The following ITGB3BP variants were observed in gnomAD, a reference collection of about 807,000 sequenced individuals.
ITGB3BP encodes the protein centromere protein R.
A neutral mutation model predicts 29.1 loss-of-function variants in ITGB3BP; 27 were observed. The ratio of observed to expected loss-of-function variants is 0.93; its 90% CI spans 0.68 to 1.28. The LOEUF is 1.28. Ranked by LOEUF, ITGB3BP falls within the 50% of genes most tolerant of loss-of-function variation. ITGB3BP has a pLI of 0.00. For missense variants in ITGB3BP, 192 were observed against 200.2 expected, an observed-to-expected ratio of 0.96 and a Z score of 0.25; for synonymous variants, 61 against 61.4, an observed-to-expected ratio of 0.99 and a Z score of 0.03.
rs1269457598 is a variant in ITGB3BP, at chr1:63,454,671, G to T, written c.334-198C>A. 6.6e-6 allele frequency among the ~76,000 whole-genome samples: 1 copy of T among 151,620 alleles called. No individual in the cohort carries two copies. The highest frequency in any genetic ancestry group is 2.4e-5 in the African/African-American group (1 of 41,262). The stretch of plus-strand genomic sequence containing the variant: ...AAAACAATTTATAATTAACTAAAAA[G>T]ACTAAATGTAATCTATAAATTTATG... On this transcript the variant is annotated intron_variant, in intron 5 of 8. Coordinates refer to ENST00000271002, the MANE Select transcript of ITGB3BP (RefSeq NM_014288.5). The surrounding 1 kb of genome is among the most constrained non-coding windows in gnomAD (Gnocchi z 4.1).
At chr1:63,469,273 A>G (rs1398683785) in intron 4 of ITGB3BP, among the ~76,000 whole-genome samples, 2 of 152,118 alleles carry the variant, frequency 1.3e-5, no homozygotes, top group African/African-American at 2.4e-5. Context: ...TAAATCCTTA[A>G]GATGAAGATA....
intron 4 of ITGB3BP, among the ~76,000 whole-genome samples, chr1:63,459,570 AT>A (rs1336538144): frequency 6.6e-6 from 1 of 151,922 alleles, no homozygotes; most frequent in East Asian, 1.9e-4. Flanking sequence ...TATTGTTAAC[AT>A]TTTTTTAATG....
intron 4 of ITGB3BP, among the ~76,000 whole-genome samples, chr1:63,476,523 G>C (rs1455225846): frequency 6.6e-6 from 1 of 152,194 alleles, no homozygotes; most frequent in East Asian, 1.9e-4. Flanking sequence ...AAATTCCTAT[G>C]TGACTCATAA....
intron 4 of ITGB3BP, among the ~76,000 whole-genome samples, chr1:63,467,522 C>CTGATTGAT (rs55927407): frequency 7.9e-4 from 119 of 149,752 alleles, no homozygotes; most frequent in East Asian, 3.8e-3. Context: ...TGCTTGCTTG[C>CTGATTGAT]TGATTGATTG....
At chr1:63,471,844 G>A (rs2100583558) in intron 4 of ITGB3BP, among the ~76,000 whole-genome samples, 1 of 152,064 alleles carries the variant, frequency 6.6e-6, no homozygotes, top group East Asian at 1.9e-4. Flanking sequence ...GAGTGCAGTG[G>A]CACCATCTCG....
intron 2 of ITGB3BP, among the ~76,000 whole-genome samples, chr1:63,501,013 T>C (rs909472996): frequency 6.6e-6 from 1 of 152,204 alleles, no homozygotes; most frequent in Non-Finnish European, 1.5e-5. Context: ...CATACATTTA[T>C]GATCACTTGA....
At chr1:63,469,839 C>T (rs917281835) in intron 4 of ITGB3BP, among the ~76,000 whole-genome samples, 1 of 152,226 alleles carries the variant, frequency 6.6e-6, no homozygotes, top group African/African-American at 2.4e-5. Context: ...TGGCCCTAAA[C>T]TGGCCATAAA....
At chr1:63,525,773 A>G (rs748169466), upstream of ITGB3BP, 160 of 1,517,752 alleles carry the variant, frequency 1.1e-4, 1 homozygote, top group Non-Finnish European at 1.2e-4. Context: ...AATTTTTAAA[A>G]TTTTTAAATC....
intron 8 of ITGB3BP, 81 bp from the exon 9 acceptor site, chr1:63,441,184 AC>A (rs1644725294): frequency 6.6e-6 from 1 of 152,200 alleles, no homozygotes; most frequent in African/African-American, 2.4e-5. Context: ...TGATTTTAAC[AC>A]CTAATAACAA....
chr1:63,507,476 G>C (rs1031230142), intron 2 of ITGB3BP, among the ~76,000 whole-genome samples: 10 of 152,286 alleles, frequency 6.6e-5, no homozygotes, highest in Admixed American at 2.0e-4. Context: ...CCAAAGAACA[G>C]CTTTGGGGTA....
intron 8 of ITGB3BP, among the ~76,000 whole-genome samples, chr1:63,446,055 A>G (rs1295295609): frequency 6.7e-6 from 1 of 150,166 alleles, no homozygotes; most frequent in African/African-American, 2.4e-5. Context: ...GGCGCAAGCT[A>G]GCCGGCTAAT....
In ITGB3BP at chr1:63,440,928, G is replaced by A. The variant is rs1644721563; in HGVS notation, c.*177C>T. The A allele has an allele frequency of 1.3e-5, 2 of 152,576 alleles. No homozygotes were observed. Among genetic ancestry groups the A allele is most frequent in the Non-Finnish European group, 1.5e-5 (1 of 68,028 alleles). The allele number at this position is 152,576 out of a possible 1,614,324, so 9.5% of individuals were successfully genotyped here. On this transcript the variant is annotated 3_prime_UTR_variant, in exon 9 of 9. Coordinates refer to ENST00000271002, the MANE Select transcript of ITGB3BP (RefSeq NM_014288.5). ...TTATTTACATTGAGATTATCTACTG[G>A]TGCGTGTAGAAAGTTTAAATTAGCT...
chr1:63,521,309 T>C (rs1367206991), intron 1 of ITGB3BP, among the ~76,000 whole-genome samples: 3 of 152,068 alleles, frequency 2.0e-5, no homozygotes, highest in South Asian at 4.1e-4. Context: ...GATTCTCTAC[T>C]AACATGCCAT....
At chr1:63,496,178 C>T (rs372806879) in intron 2 of ITGB3BP, among the ~76,000 whole-genome samples, 5 of 151,924 alleles carry the variant, frequency 3.3e-5, no homozygotes, top group East Asian at 3.9e-4. Flanking sequence ...CTGCAACGTC[C>T]GCCTCCTGGG....
At chr1:63,518,600 TTAAC>T (rs1168016430) in intron 1 of ITGB3BP, among the ~76,000 whole-genome samples, 4 of 151,866 alleles carry the variant, frequency 2.6e-5, no homozygotes, top group African/African-American at 9.7e-5. Context: ...TTTTTTTTTT[TTAAC>T]TTTCAACTTT....
At chr1:63,471,481 G>A (rs1247842117) in intron 4 of ITGB3BP, among the ~76,000 whole-genome samples, 1 of 151,918 alleles carries the variant, frequency 6.6e-6, no homozygotes, top group Non-Finnish European at 1.5e-5. Flanking sequence ...TCTATCTCCT[G>A]ACCTCATGAT....
chr1:63,469,928 G>A (rs964884872), intron 4 of ITGB3BP, among the ~76,000 whole-genome samples: 1 of 152,198 alleles, frequency 6.6e-6, no homozygotes, highest in Non-Finnish European at 1.5e-5. Context: ...ACCGGAATGA[G>A]GGCAAGGAAC....
chr1:63,481,998 T>G (rs913091885), intron 3 of ITGB3BP, among the ~76,000 whole-genome samples: 1 of 151,874 alleles, frequency 6.6e-6, no homozygotes, highest in Non-Finnish European at 1.5e-5. Flanking sequence ...GTAGGCTGGG[T>G]GCGGTGGCTC....
intron 1 of ITGB3BP, chr1:63,510,077 C>T (rs1027089661): frequency 6.6e-6 from 4 of 609,490 alleles, no homozygotes; most frequent in Non-Finnish European, 1.2e-5. Flanking sequence ...GTAATCCCAA[C>T]TACTCCCAAG....
Sources: gnomAD v4.1 joint callset for allele counts (sites outside exome capture counted in the v4.1 genomes callset) on GRCh38, gnomAD v4.1.1 for gene constraint, Gnocchi (gnomAD v3.1) non-coding constraint, MANE v1.5 for transcripts, NCBI Gene and HGNC (gene_info 2026-07-23, HGNC 2026-07-21) for gene names.